Variants in ATXN7L2 observed in about 807,000 individuals in gnomAD.
ATXN7L2 encodes ataxin 7 like 2, also known as ataxin-7-like protein 2.
Under a neutral mutation model 59.6 loss-of-function variants are expected in ATXN7L2, and 17 were observed. The ratio of observed to expected loss-of-function variants is 0.29; its 90% CI spans 0.20 to 0.43. The LOEUF (loss-of-function observed/expected upper bound fraction) is 0.43. ATXN7L2 is among the 20% of genes least tolerant of loss of function. ATXN7L2 has a pLI of 1.00. For synonymous variants in ATXN7L2, 378 were observed against 392.5 expected (o/e 0.96, Z 0.44); for missense variants, 858 against 1,008.9 (o/e 0.85, Z 2.03).
chr1:109,492,563 T>A, intron 10 of ATXN7L2, 23 bp from the exon 11 acceptor site: 1 of 1,613,892 alleles, frequency 6.2e-7, no homozygotes, highest in South Asian at 1.1e-5. Context: ...TGACCCTTTC[T>A]CTCGCCTCTT....
At position 109,491,284 on chromosome 1, in the gene ATXN7L2, T is replaced by C. The variant is rs1224418270; in HGVS notation, c.1817T>C (p.Leu606Ser). ...GAGGCCCCTTCTCGAAAGCGGAAGT[T>C]ATCCCCTGGCCCTACCACTCTTAAA... ...EVEAPSRKRK[L>S]SPGPTTLKRT... The change falls in exon 10 of 11, where the codon TTA (leucine) becomes TCA (serine). Residue 606 changes from leucine to serine, a missense_variant. Leu to Ser is a moderately radical substitution (Grantham distance 145, BLOSUM62 -2). This residue lies in a region of ATXN7L2 where 734 missense variants were observed against 862.3 expected (regional missense o/e 0.85). Transcript: ENST00000683729. The surrounding 1 kb of genome is among the most constrained non-coding windows in gnomAD (Gnocchi z 4.1). 3 of 1,614,104 alleles carry C rather than the reference T, an allele frequency of 1.9e-6. No individual in the cohort carries two copies. Among genetic ancestry groups the C allele is most frequent in the Non-Finnish European group, 2.5e-6 (3 of 1,180,044 alleles).
In ATXN7L2 at chr1:109,492,173, A is replaced by T. The variant is rs956592221; in HGVS notation, c.2251-413A>T. 7 of 960,916 alleles carry T rather than the reference A, an allele frequency of 7.3e-6. No individual in the cohort carries two copies. In the East Asian group the frequency reaches 4.4e-4, roughly 61 times the overall value. The allele number at this position is 960,916 out of a possible 1,614,324, so 59.5% of individuals were successfully genotyped here. On this transcript the variant is annotated intron_variant, in intron 10 of 10. Coordinates refer to ENST00000683729, the MANE Select transcript of ATXN7L2 (RefSeq NM_001350175.2). ...CCTTGAAGGGCAGGCACACAACCCC[A>T]TGTCCACTTATGCACATGTGCCCAC...
chr1:109,485,362 A>C, intron 1 of ATXN7L2: 1 of 985,482 alleles, frequency 1.0e-6, no homozygotes, highest in Non-Finnish European at 1.2e-6. Flanking sequence ...CCCCTGCCCA[A>C]AGGCCCTCTA....
At position 109,491,526 on chromosome 1, in the gene ATXN7L2, G is replaced by A; in HGVS notation, c.2059G>A (p.Ala687Thr). The change falls in exon 10 of 11, where the codon GCC becomes ACC. Residue 687 changes from alanine to threonine, a missense_variant. By Grantham distance (58) the Ala-to-Thr change is moderately conservative. This residue lies in a region of ATXN7L2 where 734 missense variants were observed against 862.3 expected (regional missense o/e 0.85). Coordinates refer to ENST00000683729, the MANE Select transcript of ATXN7L2 (RefSeq NM_001350175.2). The surrounding 1 kb of genome is among the most constrained non-coding windows in gnomAD (Gnocchi z 4.1). Reference sequence around the variant, plus strand: ...GAACCGGGGAGCAGCTGGACACCCAGCCAAGGCCCTGCCAACCAACTGCCT... The same window carrying A: ...GAACCGGGGAGCAGCTGGACACCCAACCAAGGCCCTGCCAACCAACTGCCT... ...LENRGAAGHP[A>T]KALPTNCLSE... 1 of 1,613,992 alleles carries A rather than the reference G, an allele frequency of 6.2e-7. No individual in the cohort carries two copies. The highest frequency in any genetic ancestry group is 8.5e-7 in the Non-Finnish European group (1 of 1,180,042).
Position 109,491,487 on chromosome 1 carries a change from G to C in ATXN7L2, c.2020G>C (p.Ala674Pro). 3.1e-6 allele frequency: 5 copies of C among 1,614,000 alleles called. No homozygotes were observed. The highest frequency in any genetic ancestry group is 4.2e-6 in the Non-Finnish European group (5 of 1,180,048). The change falls in exon 10 of 11, where the codon GCT (alanine) becomes CCT (proline). Residue 674 changes from alanine to proline, a missense_variant. Around this residue, in one of 3 missense-constraint regions of ATXN7L2, gnomAD observed 734 missense variants for 862.3 expected, o/e 0.85. Transcript: ENST00000683729. This position sits in a 1 kb window ranked among gnomAD's most constrained non-coding sequence, Gnocchi z 4.1. ...TCATCAGCTCCCCACACCAGTCAAG[G>C]CTTCTCAGCTGGAGAACCGGGGAGC... is the stretch of plus-strand genomic sequence containing the variant. ...SPHQLPTPVK[A>P]SQLENRGAAG...
chr1:109,484,185 G>C, intron 1 of ATXN7L2, 105 bp downstream of exon 1: 1 of 1,152,658 alleles, frequency 8.7e-7, no homozygotes, highest in Non-Finnish European at 1.1e-6. Flanking sequence ...CCGCCGTCCG[G>C]CTCCCCGGCC....
At chr1:109,490,246 C>T in intron 8 of ATXN7L2, 25 bp from the exon 9 acceptor site, 1 of 1,612,370 alleles carries the variant, frequency 6.2e-7, no homozygotes, top group Non-Finnish European at 8.5e-7. Context: ...ACCCTGCCAA[C>T]CATGCACCTT....
At chr1:109,484,163 C>T in intron 1 of ATXN7L2, 83 bp downstream of exon 1, 1 of 1,239,322 alleles carries the variant, frequency 8.1e-7, no homozygotes, top group Non-Finnish European at 1.0e-6. Flanking sequence ...TGAGGGGAGC[C>T]GCCGACTGGA....
chr1:109,491,021 A>G lies in ATXN7L2; in HGVS notation c.1554A>G (p.Pro518=), dbSNP rs750375835. 2.0e-5 allele frequency: 32 copies of G among 1,613,638 alleles called. No individual in the cohort carries two copies. Among genetic ancestry groups the G allele is most frequent in the Non-Finnish European group, 2.1e-5 (25 of 1,179,952 alleles). The change falls in exon 10 of 11, where the codon CCA becomes CCG. Residue 518 remains proline, a synonymous_variant. Transcript: ENST00000683729. This position sits in a 1 kb window ranked among gnomAD's most constrained non-coding sequence, Gnocchi z 4.1. ...CTACAGGCACCTGCCCCCGCCTTCC[A>G]GGTCCAACCCTGAGACCTGCCTGCC... The part of the protein sequence containing the change: ...PSSTGTCPRL[P]GPTLRPACPA...
In ATXN7L2 at chr1:109,486,207, C is replaced by T; in HGVS notation, c.193+85C>T. The T allele has an allele frequency of 6.7e-7, 1 of 1,485,216 alleles. No individual in the cohort carries two copies. Among genetic ancestry groups the T allele is most frequent in the South Asian group, 1.4e-5 (1 of 70,146 alleles). The allele number at this position is 1,485,216 out of a possible 1,614,324, so 92.0% of individuals were successfully genotyped here. On this transcript the variant is annotated intron_variant, in intron 2 of 10. Transcript: ENST00000683729. The surrounding 1 kb of genome is among the most constrained non-coding windows in gnomAD (Gnocchi z 4.3). ...TCCACCACACTACAGAAGGAGGTGG[C>T]TGCTTGAAGCAGCTGTCTGGGGACC...
At position 109,491,016 on chromosome 1, in the gene ATXN7L2, C is replaced by T. The variant is rs1657010896; in HGVS notation, c.1549C>T (p.Leu517Phe). Residue 517 changes from leucine to phenylalanine, a missense_variant, in exon 10 of 11, where the codon CTT becomes TTT. Leu to Phe is a conservative substitution (Grantham distance 22). Transcript: ENST00000683729. The surrounding 1 kb of genome is among the most constrained non-coding windows in gnomAD (Gnocchi z 4.1). ...ATCCTCTACAGGCACCTGCCCCCGC[C>T]TTCCAGGTCCAACCCTGAGACCTGC... ...SPSSTGTCPR[L>F]PGPTLRPACP... is the part of the protein sequence containing the mutation. The T allele has an allele frequency of 1.2e-6, 2 of 1,613,648 alleles. No individual in the cohort carries two copies. Among genetic ancestry groups the T allele is most frequent in the Non-Finnish European group, 8.5e-7 (1 of 1,179,996 alleles).
rs762377206 is a variant in ATXN7L2 at position 109,491,664 on chromosome 1, C to T, written c.2197C>T (p.Arg733Cys). ...TGCTGATGTGGCCTGCTCTGTGCGCCGCAAGAAGCCAGGCCCGGCCCTGGC... is the reference window on the plus strand; with the variant it reads ...TGCTGATGTGGCCTGCTCTGTGCGCTGCAAGAAGCCAGGCCCGGCCCTGGC... ...APADVACSVRRKKPGPALAFE... is the reference protein window; with the variant it reads ...APADVACSVRCKKPGPALAFE... The change falls in exon 10 of 11, where the codon CGC becomes TGC. Residue 733 changes from arginine to cysteine, a missense_variant. Physicochemically the swap from Arg to Cys is radical, Grantham distance 180. Coordinates refer to ENST00000683729, the MANE Select transcript of ATXN7L2 (RefSeq NM_001350175.2). The surrounding 1 kb of genome is among the most constrained non-coding windows in gnomAD (Gnocchi z 4.1). 1.4e-5 allele frequency: 22 copies of T among 1,610,894 alleles called. No individual in the cohort carries two copies. Among genetic ancestry groups the T allele is most frequent in the African/African-American group, 8.0e-5 (6 of 74,878 alleles).
chr1:109,483,981 GC>G lies in ATXN7L2; in HGVS notation c.29del (p.Ala10GlufsTer50). On this transcript the variant is annotated frameshift_variant, in exon 1 of 11. Coordinates refer to ENST00000683729, the MANE Select transcript of ATXN7L2 (RefSeq NM_001350175.2). LOFTEE classifies it high-confidence loss of function. MAVRERAAA[A>X]MAALERRVPS... The stretch of plus-strand genomic sequence containing the variant: ...GGCGGTGCGTGAACGCGCGGCGGCA[GC>G]AATGGCCGCTCTGGAGCGGCGGGTG... The G allele has an allele frequency of 7.2e-7, 1 of 1,388,420 alleles. No individual in the cohort carries two copies. The allele number at this position is 1,388,420 out of a possible 1,614,324, so 86.0% of individuals were successfully genotyped here. A position where few individuals can be genotyped will look rare whatever the true frequency, so the allele number is the denominator to read the frequency against.
rs759845312 is a variant in ATXN7L2 at position 109,486,254 on chromosome 1, C to G, written c.193+132C>G. On this transcript the variant is annotated intron_variant, in intron 2 of 10. Coordinates refer to ENST00000683729, the MANE Select transcript of ATXN7L2 (RefSeq NM_001350175.2). The surrounding 1 kb of genome is among the most constrained non-coding windows in gnomAD (Gnocchi z 4.3). ...GACCCTCATTTTGATAGGTCCGAGT[C>G]GGCCGGTTGTTCTGGCTCCTGTGAC... 2.2e-6 allele frequency: 3 copies of G among 1,371,976 alleles called. No homozygotes were observed. The Middle Eastern group carries it at 7.5e-4, about 345-fold the overall frequency. 85.0% of individuals were successfully genotyped at this position (1,371,976 alleles called of 1,614,324 possible).
intron 9 of ATXN7L2, 135 bp downstream of exon 9, chr1:109,490,527 A>G: frequency 7.7e-7 from 1 of 1,300,144 alleles, no homozygotes; most frequent in East Asian, 2.4e-5. Context: ...AGGACCCCAG[A>G]TAGGGAGTAG....
chr1:109,489,687 G>A (rs2101033954), intron 7 of ATXN7L2: 1 of 563,620 alleles, frequency 1.8e-6, no homozygotes, highest in Non-Finnish European at 3.1e-6. Flanking sequence ...ATTATCCCCT[G>A]AGGAGGAAGG....
chr1:109,486,418 T>G lies in ATXN7L2; in HGVS notation c.194-88T>G, dbSNP rs1166394357. On this transcript the variant is annotated intron_variant, in intron 2 of 10. Transcript: ENST00000683729. This position sits in a 1 kb window ranked among gnomAD's most constrained non-coding sequence, Gnocchi z 4.3. ...TATATCAGCGGGGAGGTGAAGTGCC[T>G]TCTGAGTGTGGGGTGGGAGTGCTCT... 2 of 1,176,648 alleles carry G rather than the reference T, an allele frequency of 1.7e-6. No individual in the cohort carries two copies. Among genetic ancestry groups the G allele is most frequent in the Non-Finnish European group, 2.4e-6 (2 of 818,870 alleles). 72.9% of individuals were successfully genotyped at this position (1,176,648 alleles called of 1,614,324 possible).
chr1:109,487,438 G>T, intron 4 of ATXN7L2, 80 bp from the exon 5 acceptor site: 1 of 1,358,044 alleles, frequency 7.4e-7, no homozygotes, highest in Non-Finnish European at 9.6e-7. Flanking sequence ...CTGGGAAAGA[G>T]ATGGCTCTGG....
At position 109,489,041 on chromosome 1, in the gene ATXN7L2, T is replaced by G. The variant is rs749735932; in HGVS notation, c.1074T>G (p.Ala358=). 6.2e-7 allele frequency: 1 copy of G among 1,613,984 alleles called. No individual in the cohort carries two copies. Among genetic ancestry groups the G allele is most frequent in the African/African-American group, 1.3e-5 (1 of 74,914 alleles). The change falls in exon 7 of 11, where the codon GCT becomes GCG. Residue 358 remains alanine, a synonymous_variant. Coordinates refer to ENST00000683729, the MANE Select transcript of ATXN7L2 (RefSeq NM_001350175.2). ...TCCAGGTTGTAGCAGCGGTGGCTGCTCCCAGCAGCACCTTCTCTGTTCGTG... is the reference window on the plus strand; with the variant it reads ...TCCAGGTTGTAGCAGCGGTGGCTGCGCCCAGCAGCACCTTCTCTGTTCGTG... ...SSVQVVAAVA[A]PSSTFSVRAK... is the part of the protein sequence containing the mutation.
Sources: gnomAD v4.1 joint callset for allele counts on GRCh38, gnomAD v4.1.1 for gene constraint, gnomAD v4.1.1 regional missense constraint, Gnocchi (gnomAD v3.1) non-coding constraint, MANE v1.5 for transcripts, NCBI Gene and HGNC (gene_info 2026-07-23, HGNC 2026-07-21) for gene names.